STAG1: variants seen among roughly 807,000 people sequenced by gnomAD.
STAG1 encodes the protein cohesin subunit SA-1.
Under a neutral mutation model 170.9 loss-of-function variants are expected in STAG1, and 26 were observed. The ratio of observed to expected loss-of-function variants is 0.15; its 90% CI spans 0.11 to 0.21. STAG1 has a LOEUF of 0.21. Ranked by LOEUF, STAG1 falls within the 10% of genes least tolerant of loss-of-function variation. The pLI, the probability that STAG1 is intolerant of heterozygous loss-of-function variation, is 1.00. For synonymous variants in STAG1, 514 were observed against 497.7 expected (o/e 1.03, Z -0.44); for missense variants, 964 against 1,509.5 (o/e 0.64, Z 5.99).
intron 4 of STAG1, among the ~76,000 whole-genome samples, chr3:136,578,137 A>T (rs546130147): frequency 6.6e-6 from 1 of 152,342 alleles, no homozygotes; most frequent in South Asian, 2.1e-4. Context: ...AAGTTCTGTA[A>T]GCTTACTCTT....
chr3:136,441,680 G>A lies in STAG1; in HGVS notation c.1546+1607C>T, dbSNP rs74618430. Among the ~76,000 whole-genome samples the A allele has an allele frequency of 9.8e-3, 1,487 of 152,210 alleles. 15 individuals are homozygous for A. The highest frequency in any genetic ancestry group is 0.016 in the Non-Finnish European group (1,056 of 68,020). On this transcript the variant is annotated intron_variant, in intron 15 of 33. Transcript: ENST00000383202. ...GTAATCTGCATGGGTAGTCTACTGCGGGGGATGGCTCATTATGCTCTTGTA... is the reference window on the plus strand; with the variant it reads ...GTAATCTGCATGGGTAGTCTACTGCAGGGGATGGCTCATTATGCTCTTGTA...
At chr3:136,411,159 G>A (rs1576439209) in intron 21 of STAG1, among the ~76,000 whole-genome samples, 1 of 152,096 alleles carries the variant, frequency 6.6e-6, no homozygotes, top group Non-Finnish European at 1.5e-5. Flanking sequence ...GGGTGTAGTC[G>A]CACAATTTTG....
rs911075493 is a variant in STAG1, at chr3:136,443,540, A to G, written c.1429-136T>C. On this transcript the variant is annotated intron_variant, in intron 14 of 33. Coordinates refer to ENST00000383202, the MANE Select transcript of STAG1 (RefSeq NM_005862.3). ...GATTCTAAAAACCACTTAGAGAACA[A>G]TATATATATTCACATTCCACTGTCA... The G allele has an allele frequency of 1.8e-5, 11 of 626,032 alleles. No individual in the cohort carries two copies. In the African/African-American group the frequency reaches 2.0e-4, roughly 11 times the overall value. 38.8% of individuals were successfully genotyped at this position (626,032 alleles called of 1,614,324 possible).
intron 6 of STAG1, among the ~76,000 whole-genome samples, chr3:136,523,413 G>GT (rs1553739316): frequency 6.6e-6 from 1 of 151,470 alleles, no homozygotes; most frequent in African/African-American, 2.4e-5. Context: ...TGTTGATGGG[G>GT]TTGTTTTCTT....
chr3:136,515,272 A>C (rs1576551986), intron 7 of STAG1, among the ~76,000 whole-genome samples: 1 of 152,048 alleles, frequency 6.6e-6, no homozygotes, highest in African/African-American at 2.4e-5. Context: ...GGCTGAGGCA[A>C]GAGAATCACT....
chr3:136,597,644 T>C (rs1342155967), intron 4 of STAG1, among the ~76,000 whole-genome samples: 2 of 152,246 alleles, frequency 1.3e-5, no homozygotes, highest in East Asian at 1.9e-4. Context: ...AAAAGGCTAC[T>C]GATTTTTTAA....
intron 1 of STAG1, among the ~76,000 whole-genome samples, chr3:136,656,729 T>A (rs777304485): frequency 1.3e-5 from 2 of 151,756 alleles, no homozygotes; most frequent in Non-Finnish European, 2.9e-5. Flanking sequence ...AGGCTTTGAA[T>A]GAGTCAATTA....
intron 30 of STAG1, 98 bp downstream of exon 30, chr3:136,343,734 G>A (rs1936096939): frequency 2.1e-6 from 2 of 965,162 alleles, no homozygotes; most frequent in Non-Finnish European, 3.0e-6. Context: ...ATCATGAACT[G>A]ACCAGCAATA....
In STAG1 at chr3:136,464,967, G is replaced by A. The variant is rs376632167; in HGVS notation, c.1227C>T (p.Ser409=). Residue 409 remains serine, a synonymous_variant, in exon 13 of 34, where the codon TCC becomes TCT. Coordinates refer to ENST00000383202, the MANE Select transcript of STAG1 (RefSeq NM_005862.3). ...LILHGSEEAL[S]NEDCENVYHL... ...GGTAAACATTTTCACAGTCTTCATT[G>A]GAAAGAGCTTCTTCACTTCCACTGA... The A allele has an allele frequency of 3.7e-5, 60 of 1,608,750 alleles. No individual in the cohort carries two copies. The highest frequency in any genetic ancestry group is 4.6e-5 in the Non-Finnish European group (54 of 1,177,678).
At chr3:136,465,036 T>C in intron 12 of STAG1, 48 bp from the exon 13 acceptor site, 3 of 1,390,786 alleles carry the variant, frequency 2.2e-6, no homozygotes, top group Non-Finnish European at 3.0e-6. Context: ...ATGTTTATTT[T>C]CCTTTCTACT....
intron 21 of STAG1, among the ~76,000 whole-genome samples, chr3:136,414,740 C>A (rs1381478444): frequency 6.6e-6 from 1 of 152,126 alleles, no homozygotes; most frequent in African/African-American, 2.4e-5. Context: ...AAGGCTTATG[C>A]AATGTTTTTT....
At chr3:136,387,980 A>G (rs1441476662) in intron 22 of STAG1, among the ~76,000 whole-genome samples, 1 of 152,228 alleles carries the variant, frequency 6.6e-6, no homozygotes, top group Non-Finnish European at 1.5e-5. Flanking sequence ...GACTAAATCT[A>G]TCACGCTGTA....
chr3:136,564,736 A>G (rs556048563), intron 5 of STAG1, among the ~76,000 whole-genome samples: 1 of 152,066 alleles, frequency 6.6e-6, no homozygotes, highest in Admixed American at 6.6e-5. Flanking sequence ...AAGGATAGGA[A>G]CAAAGAATTC....
chr3:136,605,064 T>A, intron 3 of STAG1, among the ~76,000 whole-genome samples: 1 of 152,232 alleles, frequency 6.6e-6, no homozygotes, highest in East Asian at 1.9e-4. Context: ...ACTCTCCTAC[T>A]TCCTCAGAAA....
chr3:136,356,190 A>G (rs1936646700), intron 28 of STAG1, among the ~76,000 whole-genome samples: 1 of 151,814 alleles, frequency 6.6e-6, no homozygotes, highest in South Asian at 2.1e-4. Context: ...GAGCCTGGCC[A>G]TCTGCCTGTT....
intron 1 of STAG1, among the ~76,000 whole-genome samples, chr3:136,691,720 A>G (rs1942728778): frequency 1.3e-5 from 2 of 152,220 alleles, no homozygotes; most frequent in South Asian, 2.1e-4. Flanking sequence ...CTTACTAGTT[A>G]TAACTTTTCT....
chr3:136,736,009 C>A (rs1272185675), intron 1 of STAG1, among the ~76,000 whole-genome samples: 1 of 152,204 alleles, frequency 6.6e-6, no homozygotes, highest in Admixed American at 6.5e-5. Flanking sequence ...TGTGTGCCCA[C>A]AAGTGTTCCC....
intron 29 of STAG1, among the ~76,000 whole-genome samples, chr3:136,344,856 C>T (rs995728974): frequency 2.0e-5 from 3 of 151,672 alleles, no homozygotes; most frequent in Admixed American, 6.6e-5. Context: ...TCAGGTGATC[C>T]GCCCACCTCG....
intron 12 of STAG1, among the ~76,000 whole-genome samples, chr3:136,467,328 T>C (rs2089492763): frequency 6.6e-6 from 1 of 151,384 alleles, no homozygotes; most frequent in Non-Finnish European, 1.5e-5. Flanking sequence ...ACCAAGCAAA[T>C]GGAAAACAAA....
Sources: allele counts gnomAD v4.1 joint callset (sites outside exome capture counted in the v4.1 genomes callset), GRCh38; gene constraint gnomAD v4.1.1; transcripts MANE v1.5; gene names NCBI Gene and HGNC (gene_info 2026-07-23, HGNC 2026-07-21).